DGKB: variants seen among roughly 807,000 people sequenced by gnomAD.
DGKB encodes the protein diacylglycerol kinase beta, also known as 90 kDa diacylglycerol kinase.
In DGKB, 67 loss-of-function variants were observed where a neutral mutation model predicts 114.3. That is an observed-to-expected ratio of 0.59 (90% confidence interval 0.48 to 0.72). The LOEUF is 0.72. Ranked by LOEUF, DGKB falls within the 30% of genes least tolerant of loss-of-function variation. The pLI is 0.00. For missense variants in DGKB, 907 were observed against 975.2 expected (o/e 0.93, Z 0.93); for synonymous variants, 398 against 323.1 (o/e 1.23, Z -2.49).
intron 9 of DGKB, among the ~76,000 whole-genome samples, chr7:14,691,576 A>C (rs1424671417): frequency 6.6e-6 from 1 of 152,202 alleles, no homozygotes; most frequent in Non-Finnish European, 1.5e-5. Context: ...CATGCCTTAG[A>C]ATTCAACAGC....
chr7:14,847,403 G>A (rs1191013868), intron 1 of DGKB, among the ~76,000 whole-genome samples: 1 of 151,872 alleles, frequency 6.6e-6, no homozygotes, highest in African/African-American at 2.4e-5. Context: ...GGATGGGAAA[G>A]GATGCAGAGC....
intron 21 of DGKB, among the ~76,000 whole-genome samples, chr7:14,470,134 G>C (rs1246880354): frequency 6.6e-6 from 1 of 151,730 alleles, no homozygotes; most frequent in African/African-American, 2.4e-5. Flanking sequence ...ATTCATTCTA[G>C]TACACAGAAA....
chr7:14,741,380 A>C (rs956183380), intron 4 of DGKB, among the ~76,000 whole-genome samples: 2 of 152,314 alleles, frequency 1.3e-5, no homozygotes, highest in African/African-American at 4.8e-5. Context: ...AGCTGTAGCC[A>C]ATCTGTTGTG....
intron 1 of DGKB, among the ~76,000 whole-genome samples, chr7:14,934,619 C>T (rs763273532): frequency 1.3e-5 from 2 of 152,144 alleles, no homozygotes; most frequent in Non-Finnish European, 2.9e-5. Flanking sequence ...TTTATACATA[C>T]ATTCTACCAA....
intron 20 of DGKB, among the ~76,000 whole-genome samples, chr7:14,503,423 C>A (rs1279842921): frequency 2.0e-5 from 3 of 152,090 alleles, no homozygotes; most frequent in African/African-American, 7.2e-5. Flanking sequence ...TGAATTACTT[C>A]TATTACCTTA....
chr7:14,698,939 T>G (rs2129006291), intron 7 of DGKB, among the ~76,000 whole-genome samples: 1 of 152,230 alleles, frequency 6.6e-6, no homozygotes, highest in South Asian at 2.1e-4. Context: ...CCGTATGATT[T>G]AAAATGTAAG....
chr7:14,188,443 G>A lies in DGKB; in HGVS notation c.2123-10292C>T, dbSNP rs1366079079. Among the ~76,000 whole-genome samples, 10 of 120,652 alleles carry A rather than the reference G, an allele frequency of 8.3e-5. No homozygotes were observed. The South Asian group carries it at 9.4e-4, about 11-fold the overall frequency. 79.2% of individuals were successfully genotyped at this position (120,652 alleles called of 152,430 possible). A position where few individuals can be genotyped will look rare whatever the true frequency, so the allele number is the denominator to read the frequency against. On this transcript the variant is annotated intron_variant, in intron 23 of 25. Transcript: ENST00000402815. Reference sequence around the variant, plus strand: ...TGGGAGGCCGAGGCGGGCGGATCACGAGGTCAGGAGATCGAGACCATCCCG... The same window carrying A: ...TGGGAGGCCGAGGCGGGCGGATCACAAGGTCAGGAGATCGAGACCATCCCG...
intron 2 of DGKB, chr7:14,816,531 G>A (rs536662183): frequency 1.2e-4 from 19 of 152,356 alleles, no homozygotes; most frequent in African/African-American, 4.3e-4. Flanking sequence ...CATCAGAATA[G>A]CAAGTGAATA....
intron 14 of DGKB, among the ~76,000 whole-genome samples, chr7:14,623,906 C>A (rs1036480180): frequency 2.6e-5 from 4 of 151,992 alleles, no homozygotes; most frequent in African/African-American, 4.8e-5. Flanking sequence ...TATTATGTAA[C>A]CTAGAGGGTT....
At chr7:14,657,790 A>G (rs1816159994) in intron 13 of DGKB, among the ~76,000 whole-genome samples, 3 of 151,906 alleles carry the variant, frequency 2.0e-5, no homozygotes. Flanking sequence ...TCAGAATCAC[A>G]GAAGATTTGA....
intron 13 of DGKB, among the ~76,000 whole-genome samples, chr7:14,661,731 T>G (rs1817126214): frequency 6.6e-6 from 1 of 151,490 alleles, no homozygotes; most frequent in Non-Finnish European, 1.5e-5. Context: ...CTATAAATCA[T>G]GCTGCTATAA....
chr7:14,790,265 A>C (rs1004991911), intron 2 of DGKB, among the ~76,000 whole-genome samples: 1 of 152,208 alleles, frequency 6.6e-6, no homozygotes, highest in Non-Finnish European at 1.5e-5. Flanking sequence ...CTCTTAACAG[A>C]ATCTATAGAA....
intron 21 of DGKB, among the ~76,000 whole-genome samples, chr7:14,359,988 C>T (rs1158905814): frequency 2.0e-5 from 3 of 152,094 alleles, no homozygotes; most frequent in African/African-American, 4.8e-5. Context: ...GATTATAAAT[C>T]ATGCTACGAT....
At chr7:14,605,271 T>A (rs1804267977) in intron 17 of DGKB, among the ~76,000 whole-genome samples, 1 of 151,458 alleles carries the variant, frequency 6.6e-6, no homozygotes, top group Non-Finnish European at 1.5e-5. Context: ...TGCTTTAGAG[T>A]GCAGAAAGCA....
At chr7:14,537,995 C>T (rs942302845) in intron 20 of DGKB, among the ~76,000 whole-genome samples, 1 of 145,468 alleles carries the variant, frequency 6.9e-6, no homozygotes, top group Non-Finnish European at 1.5e-5. Context: ...CAGGAGAATC[C>T]CTTGAACCTA....
intron 23 of DGKB, among the ~76,000 whole-genome samples, chr7:14,272,130 A>T (rs1255141264): frequency 6.6e-6 from 1 of 152,220 alleles, no homozygotes; most frequent in East Asian, 1.9e-4. Context: ...TTAAAAACTG[A>T]ACACTTCATG....
intron 1 of DGKB, among the ~76,000 whole-genome samples, chr7:14,961,525 G>A (rs1384238954): frequency 6.6e-6 from 1 of 152,090 alleles, no homozygotes; most frequent in Admixed American, 6.6e-5. Context: ...AGAACCACCT[G>A]CCCAGATCTG....
chr7:14,380,108 G>T (rs530178956), intron 21 of DGKB, among the ~76,000 whole-genome samples: 1 of 152,032 alleles, frequency 6.6e-6, no homozygotes, highest in African/African-American at 2.4e-5. Context: ...TACATGTTGC[G>T]TACTTCGCTA....
chr7:14,585,635 G>T (rs553603526), intron 17 of DGKB, among the ~76,000 whole-genome samples: 113 of 152,258 alleles, frequency 7.4e-4, no homozygotes, highest in African/African-American at 2.6e-3. Flanking sequence ...ATACCTCATT[G>T]TATTACTCTT....
Sources: allele counts gnomAD v4.1 joint callset (sites outside exome capture counted in the v4.1 genomes callset), GRCh38; gene constraint gnomAD v4.1.1; transcripts MANE v1.5; gene names NCBI Gene and HGNC (gene_info 2026-07-23, HGNC 2026-07-21).